The following C3orf49 variants were observed in gnomAD, a reference collection of about 807,000 sequenced individuals.
C3orf49 encodes the protein putative uncharacterized protein C3orf49.
In C3orf49, 27 loss-of-function variants were observed where a neutral mutation model predicts 13.3. The observed-to-expected ratio is 2.02, with a 90% confidence interval of 1.49 to 2.79. The LOEUF is 2.79. C3orf49 is among the 30% of genes most tolerant of loss of function. The probability of loss-of-function intolerance (pLI) is 0.00; values close to 1 mark genes in which losing one functional copy is unlikely to be tolerated. For synonymous variants in C3orf49, 87 were observed against 47.6 expected, an observed-to-expected ratio of 1.83 and a Z score of -3.40; for missense variants, 242 against 134.2, an observed-to-expected ratio of 1.80 and a Z score of -3.97.
chr3:63,847,394 C>A (rs1701921789), intron 6 of C3orf49, among the ~76,000 whole-genome samples: 1 of 152,126 alleles, frequency 6.6e-6, no homozygotes, highest in African/African-American at 2.4e-5. Context: ...AAGCTTTCTG[C>A]AAGCAATTAT....
At chr3:63,805,172 C>T in the C3orf49 span, 3 of 152,242 alleles carry the variant, frequency 2.0e-5, no homozygotes, top group African/African-American at 7.2e-5. Flanking sequence ...TGTGTATATT[C>T]AGAGGCATTT....
chr3:63,838,195 C>T lies in C3orf49; in HGVS notation c.849+6351C>T. ...AGTATTTTTAAAAAATAGCTGTAAC[C>T]CAAAGTACTATATCATCTTAGAATA... is the stretch of plus-strand genomic sequence containing the variant. On this transcript the variant is annotated intron_variant, in intron 5 of 6. Coordinates refer to ENST00000295896, the MANE Select transcript of C3orf49 (RefSeq NM_001355236.2). 4.2e-6 allele frequency: 4 copies of T among 949,388 alleles called. No homozygotes were observed. The South Asian group carries it at 7.1e-5, about 17-fold the overall frequency. 58.8% of individuals were successfully genotyped at this position (949,388 alleles called of 1,614,324 possible).
intron 5 of C3orf49, chr3:63,835,339 T>G: frequency 6.2e-7 from 1 of 1,613,532 alleles, no homozygotes; most frequent in South Asian, 1.1e-5. Flanking sequence ...CTTCAACACT[T>G]TCTTTAATGT....
intron 5 of C3orf49, chr3:63,839,794 G>T: frequency 6.3e-7 from 1 of 1,595,964 alleles, no homozygotes; most frequent in Non-Finnish European, 8.6e-7. Context: ...GAAGGGCAAT[G>T]TTACCATCTG....
upstream of C3orf49, among the ~76,000 whole-genome samples, chr3:63,817,563 C>T (rs781068549): frequency 4.6e-5 from 7 of 152,014 alleles, no homozygotes; most frequent in East Asian, 1.2e-3. Context: ...AAGAGGTTTT[C>T]GTTACCCGCC....
the C3orf49 span, among the ~76,000 whole-genome samples, chr3:63,801,771 C>T: frequency 2.1e-5 from 3 of 144,358 alleles, no homozygotes; most frequent in African/African-American, 8.1e-5. Context: ...CAGGGAAGAG[C>T]ATCTATGTAG....
chr3:63,821,932 G>A (rs1701399927), intron 1 of C3orf49, among the ~76,000 whole-genome samples: 1 of 151,978 alleles, frequency 6.6e-6, no homozygotes, highest in Non-Finnish European at 1.5e-5. Flanking sequence ...CATCATTTGG[G>A]GAAACTAGGT....
chr3:63,826,982 G>A (rs1007821818), intron 2 of C3orf49: 1 of 152,054 alleles, frequency 6.6e-6, no homozygotes, highest in African/African-American at 2.4e-5. Flanking sequence ...GTAACCTCAG[G>A]TTTAGTGCCT....
At chr3:63,838,077 T>G in intron 5 of C3orf49, 1 of 1,575,966 alleles carries the variant, frequency 6.3e-7, no homozygotes, top group Non-Finnish European at 8.6e-7. Flanking sequence ...ATGAGAAGGT[T>G]TTTTAAAAGA....
Position 63,840,448 on chromosome 3 carries a change from G to A in C3orf49, c.850-4575G>A, listed in dbSNP as rs1028090101. Among the ~76,000 whole-genome samples the A allele has an allele frequency of 2.8e-4, 42 of 152,144 alleles. 1 individual carries two copies. The highest frequency in any genetic ancestry group is 3.4e-3 in the Middle Eastern group (1 of 294). The stretch of plus-strand genomic sequence containing the variant: ...CTCTACAAAAAATAAAAATTAGCTG[G>A]GTGTGGTGGCATGTGCCTGTTAGTC... On this transcript the variant is annotated intron_variant, in intron 5 of 6. Coordinates refer to ENST00000295896, the MANE Select transcript of C3orf49 (RefSeq NM_001355236.2).
At chr3:63,805,671 C>T in the C3orf49 span, among the ~76,000 whole-genome samples, 1 of 152,250 alleles carries the variant, frequency 6.6e-6, no homozygotes, top group South Asian at 2.1e-4. Flanking sequence ...AGTTGAGAAA[C>T]CCTTAACTTA....
Position 63,845,076 on chromosome 3 carries a change from G to T in C3orf49, c.*24G>T. ...GACCTGAGACTCCTTGAGGAACACA[G>T]GAAAAGGTGATGCTAACCTTCTTTT... On this transcript the variant is annotated 3_prime_UTR_variant, in exon 6 of 7. Transcript: ENST00000295896. 1.3e-5 allele frequency: 9 copies of T among 698,712 alleles called. No individual in the cohort carries two copies. Among genetic ancestry groups the T allele is most frequent in the Non-Finnish European group, 2.4e-5 (9 of 382,644 alleles). The allele number at this position is 698,712 out of a possible 1,614,324, so 43.3% of individuals were successfully genotyped here.
intron 5 of C3orf49, among the ~76,000 whole-genome samples, chr3:63,844,407 T>C (rs1000659857): frequency 6.6e-6 from 1 of 152,222 alleles, no homozygotes; most frequent in Non-Finnish European, 1.5e-5. Flanking sequence ...CATTTGTTAA[T>C]TAGCTAGTTA....
rs531531075 is a variant in C3orf49, at chr3:63,823,225, T to C, written c.126-25T>C. The stretch of plus-strand genomic sequence containing the variant: ...ACTTTTAACTTTTCAGTTTCCCTAA[T>C]ATGAACCATTTTTATTTTGTTTAGA... On this transcript the variant is annotated intron_variant, in intron 1 of 6. Transcript: ENST00000295896. The C allele has an allele frequency of 4.3e-3, 2,830 of 664,392 alleles. 22 individuals carry two copies. Among genetic ancestry groups the C allele is most frequent in the South Asian group, 0.016 (974 of 61,222 alleles). 41.2% of individuals were successfully genotyped at this position (664,392 alleles called of 1,614,324 possible). A position where few individuals can be genotyped will look rare whatever the true frequency, so the allele number is the denominator to read the frequency against.
the C3orf49 span, among the ~76,000 whole-genome samples, chr3:63,809,083 T>C: frequency 6.6e-6 from 1 of 152,212 alleles, no homozygotes. Context: ...CCATCCTCTT[T>C]CCTGAATCAA....
chr3:63,837,274 C>A (rs1035646246), intron 5 of C3orf49, among the ~76,000 whole-genome samples: 1 of 151,858 alleles, frequency 6.6e-6, no homozygotes, highest in South Asian at 2.1e-4. Flanking sequence ...TCAAAATAAC[C>A]ATTAACATTT....
intron 5 of C3orf49, chr3:63,838,460 T>A: frequency 6.2e-7 from 1 of 1,610,584 alleles, no homozygotes; most frequent in Non-Finnish European, 8.5e-7. Context: ...AAAATTCACA[T>A]TGAGACAGCG....
At chr3:63,782,266 C>T in the C3orf49 span, among the ~76,000 whole-genome samples, 2 of 152,080 alleles carry the variant, frequency 1.3e-5, no homozygotes, top group Admixed American at 1.3e-4. Flanking sequence ...TTTAAGAAAA[C>T]CCTTTTTAAA....
intron 5 of C3orf49, among the ~76,000 whole-genome samples, chr3:63,842,819 C>T (rs558238569): frequency 1.3e-5 from 2 of 152,126 alleles, no homozygotes; most frequent in African/African-American, 2.4e-5. Flanking sequence ...GAATTCACCA[C>T]TGATCTGGCT....
Sources: gnomAD v4.1 joint callset for allele counts (sites outside exome capture counted in the v4.1 genomes callset) on GRCh38, gnomAD v4.1.1 for gene constraint, MANE v1.5 for transcripts, NCBI Gene and HGNC (gene_info 2026-07-23, HGNC 2026-07-21) for gene names.